MICU1: variants seen among roughly 807,000 people sequenced by gnomAD.
MICU1 encodes the protein calcium uptake protein 1, mitochondrial.
In MICU1, 45 loss-of-function variants were observed where a neutral mutation model predicts 56.8. The observed-to-expected ratio is 0.79, with a 90% confidence interval of 0.62 to 1.02. The LOEUF (loss-of-function observed/expected upper bound fraction) is 1.02. MICU1 is among the 50% of genes least tolerant of loss of function. The pLI is 0.00. For missense variants in MICU1, 504 were observed against 587.1 expected, an observed-to-expected ratio of 0.86 and a Z score of 1.46; for synonymous variants, 186 against 195.1, an observed-to-expected ratio of 0.95 and a Z score of 0.39.
intron 10 of MICU1, among the ~76,000 whole-genome samples, chr10:72,382,934 A>G (rs888500908): frequency 6.6e-6 from 1 of 152,132 alleles, no homozygotes; most frequent in African/African-American, 2.4e-5. Context: ...TCCCTCTCAC[A>G]TTGTTTAAAT....
chr10:72,556,513 T>A (rs557618866), intron 3 of MICU1, among the ~76,000 whole-genome samples: 65 of 151,950 alleles, frequency 4.3e-4, no homozygotes, highest in Non-Finnish European at 8.5e-4. Context: ...GCTAATTTTG[T>A]ATTTTTAGTA....
chr10:72,576,660 A>T lies in MICU1; in HGVS notation c.-1-9866T>A, dbSNP rs371334981. 6.8e-4 allele frequency among the ~76,000 whole-genome samples: 103 copies of T among 152,340 alleles called. No individual in the cohort carries two copies. In the South Asian group the frequency reaches 9.1e-3, roughly 13 times the overall value. On this transcript the variant is annotated intron_variant, in intron 1 of 11. Transcript: ENST00000361114. ...ATCCAGATCTAGCTAAGATCATTTGATGAAGGTGGCTACACTAAACAAGAG... is the reference window on the plus strand; with the variant it reads ...ATCCAGATCTAGCTAAGATCATTTGTTGAAGGTGGCTACACTAAACAAGAG...
intron 1 of MICU1, among the ~76,000 whole-genome samples, chr10:72,574,480 T>C (rs1273811790): frequency 2.0e-5 from 3 of 151,840 alleles, no homozygotes; most frequent in Admixed American, 6.6e-5. Flanking sequence ...GATTGCACCA[T>C]TGCACTCCAG....
At chr10:72,432,293 A>C (rs1337223489) in intron 8 of MICU1, among the ~76,000 whole-genome samples, 1 of 152,042 alleles carries the variant, frequency 6.6e-6, no homozygotes, top group African/African-American at 2.4e-5. Flanking sequence ...ATAAATATAA[A>C]AACCAAATTT....
chr10:72,502,329 A>G (rs1434053122), intron 6 of MICU1, among the ~76,000 whole-genome samples: 1 of 151,402 alleles, frequency 6.6e-6, no homozygotes, highest in Non-Finnish European at 1.5e-5. Context: ...TAATTTTTGT[A>G]TTTTTTAGTG....
chr10:72,608,658 TA>T (rs1841757392), intron 1 of MICU1, among the ~76,000 whole-genome samples: 1 of 152,174 alleles, frequency 6.6e-6, no homozygotes, highest in Non-Finnish European at 1.5e-5. Flanking sequence ...GAATGTAAAA[TA>T]ATGCAGCTAT....
At chr10:72,500,290 ATATATATATATATTTTTTTTTTTTTTTT>A (rs1372867056) in intron 6 of MICU1, among the ~76,000 whole-genome samples, 1 of 7,782 alleles carries the variant, frequency 1.3e-4, no homozygotes. Flanking sequence ...ATATATATAT[ATATATATATATATTTTTTTTTTTTTTTT>A]TTTTTTTTTT....
chr10:72,590,805 A>ACT (rs1841202765), intron 1 of MICU1, among the ~76,000 whole-genome samples: 1 of 150,892 alleles, frequency 6.6e-6, no homozygotes, highest in South Asian at 2.1e-4. Context: ...AGAGTGAGAC[A>ACT]CGGTCTCAAA....
rs1390622157 is a variant in MICU1 at position 72,492,190 on chromosome 10, G to A, written c.653-14934C>T. ...AAAGACTTTGGCTTTACTCTGAGAC[G>A]GACTGGAAGTCTTTGGGGGATTTTT... On this transcript the variant is annotated intron_variant, in intron 6 of 11. Coordinates refer to ENST00000361114, the MANE Select transcript of MICU1 (RefSeq NM_001195518.2). 2.6e-5 allele frequency among the ~76,000 whole-genome samples: 4 copies of A among 152,198 alleles called. No individual in the cohort carries two copies. In the East Asian group the frequency reaches 5.8e-4, roughly 22 times the overall value.
chr10:72,621,256 G>GA (rs1842097519), intron 1 of MICU1, among the ~76,000 whole-genome samples: 1 of 152,080 alleles, frequency 6.6e-6, no homozygotes, highest in Non-Finnish European at 1.5e-5. Flanking sequence ...CCAGCACTTT[G>GA]GCTAGCAGAT....
chr10:72,494,353 A>G (rs1217261304), intron 6 of MICU1, among the ~76,000 whole-genome samples: 1 of 152,214 alleles, frequency 6.6e-6, no homozygotes, highest in African/African-American at 2.4e-5. Flanking sequence ...GCAGACTTCT[A>G]GGGACAATCT....
chr10:72,372,354 G>A (rs767902048), intron 11 of MICU1, among the ~76,000 whole-genome samples: 57 of 151,954 alleles, frequency 3.8e-4, no homozygotes, highest in Non-Finnish European at 7.9e-4. Flanking sequence ...GTGACAGAGC[G>A]GGTGTGGTGG....
intron 8 of MICU1, among the ~76,000 whole-genome samples, chr10:72,449,430 G>T (rs1865226743): frequency 6.6e-6 from 1 of 152,066 alleles, no homozygotes; most frequent in Non-Finnish European, 1.5e-5. Context: ...TAAAGACAGG[G>T]TCTCACTATG....
chr10:72,416,485 G>C (rs1564854810), intron 9 of MICU1, among the ~76,000 whole-genome samples: 1 of 152,098 alleles, frequency 6.6e-6, no homozygotes, highest in Non-Finnish European at 1.5e-5. Context: ...TCAAATATCT[G>C]AGAATAAGTG....
At chr10:72,622,689 T>C (rs557015593) in intron 1 of MICU1, among the ~76,000 whole-genome samples, 69 of 152,336 alleles carry the variant, frequency 4.5e-4, no homozygotes, top group African/African-American at 1.6e-3. Flanking sequence ...AGTGGTTACC[T>C]GGTAGTAAGA....
At position 72,489,290 on chromosome 10, in the gene MICU1, TCACACACACA is replaced by T. The variant is rs67070756; in HGVS notation, c.653-12044_653-12035del. 1.3e-3 allele frequency among the ~76,000 whole-genome samples: 190 copies of T among 141,644 alleles called. 2 individuals carry two copies. Among genetic ancestry groups the T allele is most frequent in the Middle Eastern group, 6.9e-3 (2 of 290 alleles). 92.9% of individuals were successfully genotyped at this position (141,644 alleles called of 152,430 possible). ...GCCTGGGTGACAGAGCGAGACTCTG[TCACACACACA>T]CACACACACACACACACACACACAA... On this transcript the variant is annotated intron_variant, in intron 6 of 11. Transcript: ENST00000361114.
intron 10 of MICU1, among the ~76,000 whole-genome samples, chr10:72,406,620 A>G (rs79214999): frequency 1.1e-4 from 16 of 151,748 alleles, no homozygotes; most frequent in South Asian, 1.0e-3. Context: ...AAAAAAAAAA[A>G]AGAGAGAGAT....
At position 72,377,778 on chromosome 10, in the gene MICU1, C is replaced by T. The variant is rs899586557; in HGVS notation, c.1181-1906G>A. Among the ~76,000 whole-genome samples the T allele has an allele frequency of 7.2e-5, 11 of 152,340 alleles. No individual in the cohort carries two copies. The South Asian group carries it at 2.1e-3, about 29-fold the overall frequency. On this transcript the variant is annotated intron_variant, in intron 10 of 11. Coordinates refer to ENST00000361114, the MANE Select transcript of MICU1 (RefSeq NM_001195518.2). ...TCATCACATTAGATTCATCCAGAAGCCAAGTGAACTTAAACTAGAACCACT... is the reference window on the plus strand; with the variant it reads ...TCATCACATTAGATTCATCCAGAAGTCAAGTGAACTTAAACTAGAACCACT...
chr10:72,531,693 G>A (rs1281089224), intron 5 of MICU1: 1 of 151,370 alleles, frequency 6.6e-6, no homozygotes, highest in Non-Finnish European at 1.5e-5. Flanking sequence ...ACTCCAGCCT[G>A]GCGACAGAGC....
Sources: gnomAD v4.1 joint callset for allele counts (sites outside exome capture counted in the v4.1 genomes callset) on GRCh38, gnomAD v4.1.1 for gene constraint, MANE v1.5 for transcripts, NCBI Gene and HGNC (gene_info 2026-07-23, HGNC 2026-07-21) for gene names.